The following CDYL2 variants were observed in gnomAD, a reference collection of about 807,000 sequenced individuals.
The protein encoded by CDYL2 is chromodomain Y like 2, also known as chromodomain Y-like protein 2.
Under a neutral mutation model 49.4 loss-of-function variants are expected in CDYL2, and 23 were observed. The observed-to-expected ratio is 0.47, with a 90% CI of 0.34 to 0.66. The LOEUF is 0.66. Ranked by LOEUF, CDYL2 falls within the 30% of genes least tolerant of loss-of-function variation. CDYL2 has a pLI of 0.01. For synonymous variants in CDYL2, 360 were observed against 268.8 expected, an observed-to-expected ratio of 1.34 and a Z score of -3.32; for missense variants, 678 against 656.4, an observed-to-expected ratio of 1.03 and a Z score of -0.36.
chr16:80,606,756 G>A (rs1032003167), intron 6 of CDYL2, among the ~76,000 whole-genome samples: 3 of 152,120 alleles, frequency 2.0e-5, no homozygotes, highest in African/African-American at 2.4e-5. Context: ...ATTCAATGAC[G>A]GGGGCAGTTT....
rs371203808 is a variant in CDYL2 at position 80,636,051 on chromosome 16, AG to A, written c.617-2816del. ...ATTGGACCCCTTTCTTATGCCTTAT[AG>A]AAAAATTAACTCAAGATGGATTAGA... On this transcript the variant is annotated intron_variant, in intron 2 of 6. Transcript: ENST00000570137. Among the ~76,000 whole-genome samples, 577 of 152,352 alleles carry A rather than the reference AG, an allele frequency of 3.8e-3. 1 individual carries two copies. The highest frequency in any genetic ancestry group is 6.4e-3 in the South Asian group (31 of 4,828).
At chr16:80,656,926 C>T (rs544291082) in intron 2 of CDYL2, among the ~76,000 whole-genome samples, 57 of 152,240 alleles carry the variant, frequency 3.7e-4, no homozygotes, top group Admixed American at 9.8e-4. Flanking sequence ...AGTGAGCTGT[C>T]CACCCTGAAG....
chr16:80,748,413 G>C (rs1190150055), intron 1 of CDYL2, among the ~76,000 whole-genome samples: 1 of 145,142 alleles, frequency 6.9e-6, no homozygotes, highest in East Asian at 2.1e-4. Flanking sequence ...TGTAGTACCA[G>C]CTACTTGGGA....
chr16:80,721,814 CA>C (rs1302283723), intron 1 of CDYL2, among the ~76,000 whole-genome samples: 19 of 152,316 alleles, frequency 1.2e-4, no homozygotes, highest in African/African-American at 4.3e-4. Flanking sequence ...TGACCATCCC[CA>C]TCCTTCTCCT....
intron 2 of CDYL2, among the ~76,000 whole-genome samples, chr16:80,656,806 G>C (rs1197887112): frequency 6.6e-6 from 1 of 152,152 alleles, no homozygotes; most frequent in African/African-American, 2.4e-5. Context: ...GCAGTCAGTG[G>C]GGTGGGAGAG....
intron 1 of CDYL2, among the ~76,000 whole-genome samples, chr16:80,765,097 A>G (rs1276883981): frequency 6.8e-6 from 1 of 146,398 alleles, no homozygotes; most frequent in Non-Finnish European, 1.5e-5. Flanking sequence ...CTCATATAAT[A>G]TATACTAATA....
At chr16:80,718,939 C>A (rs1904904609) in intron 1 of CDYL2, among the ~76,000 whole-genome samples, 1 of 152,172 alleles carries the variant, frequency 6.6e-6, no homozygotes, top group Non-Finnish European at 1.5e-5. Flanking sequence ...AGAGCAGAAC[C>A]AGGAAACCAG....
At chr16:80,660,562 G>A (rs1909000003) in intron 2 of CDYL2, among the ~76,000 whole-genome samples, 1 of 151,782 alleles carries the variant, frequency 6.6e-6, no homozygotes, top group East Asian at 1.9e-4. Context: ...ATGAGAGAGG[G>A]AACAGAGAAC....
intron 1 of CDYL2, among the ~76,000 whole-genome samples, chr16:80,774,996 A>T (rs1473171390): frequency 6.6e-6 from 1 of 152,054 alleles, no homozygotes; most frequent in Non-Finnish European, 1.5e-5. Context: ...ATCACCAAAA[A>T]GATTTATTTC....
chr16:80,749,709 T>C lies in CDYL2; in HGVS notation c.24+54441A>G, dbSNP rs546657266. Among the ~76,000 whole-genome samples the C allele has an allele frequency of 1.1e-3, 162 of 152,004 alleles. 1 individual carries two copies. The highest frequency in any genetic ancestry group is 1.9e-3 in the Non-Finnish European group (129 of 67,960). On this transcript the variant is annotated intron_variant, in intron 1 of 6. Coordinates refer to ENST00000570137, the MANE Select transcript of CDYL2 (RefSeq NM_152342.4). ...CTGAAGCTGAGTTCAGGGGGAAAAA[T>C]AGCCTTATATGAAAATTTTTTTAAA... is the stretch of plus-strand genomic sequence containing the variant.
At chr16:80,725,627 T>A (rs1397429380) in intron 1 of CDYL2, among the ~76,000 whole-genome samples, 2 of 152,226 alleles carry the variant, frequency 1.3e-5, no homozygotes, top group Non-Finnish European at 2.9e-5. Flanking sequence ...TGCTGTGGCC[T>A]AAGCTACATG....
At position 80,802,142 on chromosome 16, in the gene CDYL2, C is replaced by T. The variant is rs546150459; in HGVS notation, c.24+2008G>A. ...CTAATCTGGCAACGACAATTACCAGCGTTAAGGAGGGCAGTTGCAGATGAA... is the reference window on the plus strand; with the variant it reads ...CTAATCTGGCAACGACAATTACCAGTGTTAAGGAGGGCAGTTGCAGATGAA... On this transcript the variant is annotated intron_variant, in intron 1 of 6. Transcript: ENST00000570137. 2.6e-5 allele frequency among the ~76,000 whole-genome samples: 4 copies of T among 152,192 alleles called. No homozygotes were observed. In the East Asian group the frequency reaches 7.7e-4, roughly 29 times the overall value.
At chr16:80,654,516 G>T (rs928793740) in intron 2 of CDYL2, among the ~76,000 whole-genome samples, 35 of 152,178 alleles carry the variant, frequency 2.3e-4, no homozygotes, top group African/African-American at 8.4e-4. Context: ...CACACTCAGA[G>T]CCCAGCGCTG....
chr16:80,737,945 T>C (rs1436983442), intron 1 of CDYL2, among the ~76,000 whole-genome samples: 1 of 152,176 alleles, frequency 6.6e-6, no homozygotes, highest in Non-Finnish European at 1.5e-5. Context: ...GGTATACATG[T>C]GCCATGGTGG....
intron 2 of CDYL2, among the ~76,000 whole-genome samples, chr16:80,669,328 C>T (rs1243487854): frequency 1.3e-5 from 2 of 152,110 alleles, no homozygotes; most frequent in Non-Finnish European, 2.9e-5. Context: ...GGCCCCACAG[C>T]CCAGGACTCA....
At chr16:80,653,384 G>C (rs1468695630) in intron 2 of CDYL2, among the ~76,000 whole-genome samples, 1 of 152,186 alleles carries the variant, frequency 6.6e-6, no homozygotes. Context: ...AGAATCGCTT[G>C]AACCCAGGAG....
Position 80,684,550 on chromosome 16 carries a change from C to G in CDYL2, c.604G>C (p.Glu202Gln), listed in dbSNP as rs900953571. 9 of 1,612,384 alleles carry G rather than the reference C, an allele frequency of 5.6e-6. 1 individual carries two copies. The highest frequency in any genetic ancestry group is 7.6e-6 in the Non-Finnish European group (9 of 1,178,868). Residue 202 changes from glutamate (E) to glutamine (Q), a missense_variant, in exon 2 of 7, where the codon GAG (glutamate) becomes CAG (glutamine). Transcript: ENST00000570137. The part of the protein sequence containing the change: ...ECDVNHATLA[E>Q]NGLGSALTNG... ...AAAAGCTACAAACCGAGCCCGTTCT[C>G]CGCCAGTGTAGCGTGATTCACGTCA...
intron 1 of CDYL2, among the ~76,000 whole-genome samples, chr16:80,734,001 C>G (rs1905425596): frequency 1.3e-5 from 2 of 152,150 alleles, no homozygotes; most frequent in Non-Finnish European, 2.9e-5. Context: ...GGGAAACTGG[C>G]TTTGCTAACT....
chr16:80,625,162 T>C (rs1390212470), intron 3 of CDYL2, among the ~76,000 whole-genome samples: 1 of 152,244 alleles, frequency 6.6e-6, no homozygotes, highest in East Asian at 1.9e-4. Flanking sequence ...AGATGTCTGA[T>C]GCAGGTTTAC....
Sources: gnomAD v4.1 joint callset for allele counts (sites outside exome capture counted in the v4.1 genomes callset) on GRCh38, gnomAD v4.1.1 for gene constraint, MANE v1.5 for transcripts, NCBI Gene and HGNC (gene_info 2026-07-23, HGNC 2026-07-21) for gene names.